The following SUCLG2 variants were observed in gnomAD, a reference collection of about 807,000 sequenced individuals.
The protein encoded by SUCLG2 is succinate-CoA ligase GDP-forming subunit beta.
A neutral mutation model predicts 47.9 loss-of-function variants in SUCLG2; 42 were observed. That is an observed-to-expected ratio of 0.88 (90% confidence interval 0.69 to 1.14). The LOEUF is 1.14. SUCLG2 is among the 50% of genes most tolerant of loss of function. The pLI, the probability that SUCLG2 is intolerant of heterozygous loss-of-function variation, is 0.00. For missense variants in SUCLG2, 571 were observed against 525.9 expected (o/e 1.09, Z -0.84); for synonymous variants, 195 against 197.3 (o/e 0.99, Z 0.10).
At chr3:67,480,600 G>T (rs1370831612) in intron 9 of SUCLG2, among the ~76,000 whole-genome samples, 1 of 152,154 alleles carries the variant, frequency 6.6e-6, no homozygotes, top group Non-Finnish European at 1.5e-5. Context: ...CAGCTACTAG[G>T]GAATGTAGCC....
intron 1 of SUCLG2, among the ~76,000 whole-genome samples, chr3:67,620,325 C>T (rs3927983): frequency 1.3e-5 from 2 of 149,904 alleles, no homozygotes; most frequent in African/African-American, 2.5e-5. Flanking sequence ...GGCTCACACC[C>T]GTTAACCCCA....
intron 9 of SUCLG2, among the ~76,000 whole-genome samples, chr3:67,444,365 C>T (rs1303729917): frequency 1.1e-4 from 7 of 62,864 alleles, no homozygotes; most frequent in Non-Finnish European, 2.0e-4. Flanking sequence ...TGGCCAGCCG[C>T]CCCGTCCGGG....
Position 67,452,992 on chromosome 3 carries a change from A to C in SUCLG2, c.1062+42806T>G, listed in dbSNP as rs1456876426. Among the ~76,000 whole-genome samples the C allele has an allele frequency of 3.3e-5, 5 of 152,128 alleles. 1 individual carries two copies. The highest frequency in any genetic ancestry group is 6.3e-3 in the Middle Eastern group (2 of 316). The stretch of plus-strand genomic sequence containing the variant: ...CAATGTAATCATAGATGAAGGTCTA[A>C]AGTAGACCTTCCCATTCTCTTTCTG... On this transcript the variant is annotated intron_variant, in intron 9 of 10. Transcript: ENST00000307227.
At chr3:67,616,059 T>TA (rs1700622500) in intron 1 of SUCLG2, among the ~76,000 whole-genome samples, 1 of 151,844 alleles carries the variant, frequency 6.6e-6, no homozygotes, top group East Asian at 1.9e-4. Flanking sequence ...CCAAAACTTT[T>TA]AAGAGACCAT....
downstream of SUCLG2, among the ~76,000 whole-genome samples, chr3:67,372,929 T>G (rs1004853995): frequency 5.3e-5 from 8 of 152,174 alleles, no homozygotes; most frequent in East Asian, 1.5e-3. Flanking sequence ...TCAGCTCTGC[T>G]GTGTAGCATG....
chr3:67,586,542 G>C (rs1277449778), intron 2 of SUCLG2, among the ~76,000 whole-genome samples: 2 of 152,090 alleles, frequency 1.3e-5, no homozygotes, highest in African/African-American at 4.8e-5. Flanking sequence ...TTCCCAATTG[G>C]TCTGATGTTC....
chr3:67,394,749 A>G (rs758707002), intron 10 of SUCLG2, among the ~76,000 whole-genome samples: 2,332 of 151,568 alleles, frequency 0.015, 24 homozygotes, highest in Non-Finnish European at 0.024. Flanking sequence ...AATGAAGGAA[A>G]AAATGTTAAG....
intron 1 of SUCLG2, among the ~76,000 whole-genome samples, chr3:67,638,600 G>A (rs189605651): frequency 1.3e-5 from 2 of 152,274 alleles, no homozygotes; most frequent in East Asian, 3.9e-4. Flanking sequence ...ACATAATTTG[G>A]AATTACTGGT....
intron 2 of SUCLG2, among the ~76,000 whole-genome samples, chr3:67,594,467 T>C (rs1708248335): frequency 6.6e-6 from 1 of 152,182 alleles, no homozygotes; most frequent in South Asian, 2.1e-4. Flanking sequence ...AACACTTTCA[T>C]CCCAGTTCTC....
intron 7 of SUCLG2, among the ~76,000 whole-genome samples, chr3:67,500,271 G>A (rs1281766787): frequency 6.6e-6 from 1 of 152,054 alleles, no homozygotes; most frequent in Non-Finnish European, 1.5e-5. Flanking sequence ...CCAGGTAGAG[G>A]GTTTTCTCCA....
At chr3:67,620,924 C>T (rs574535757) in intron 1 of SUCLG2, among the ~76,000 whole-genome samples, 1 of 152,308 alleles carries the variant, frequency 6.6e-6, no homozygotes, top group Non-Finnish European at 1.5e-5. Flanking sequence ...CAGTTTTAAA[C>T]AGGGAAGTGA....
At chr3:67,475,988 CCTCTCTCTCT>C (rs113119377) in intron 9 of SUCLG2, among the ~76,000 whole-genome samples, 4 of 146,048 alleles carry the variant, frequency 2.7e-5, no homozygotes, top group Admixed American at 6.9e-5. Context: ...TTTCCTTCTC[CCTCTCTCTCT>C]CTCTCTCTCT....
At chr3:67,414,263 C>G (rs559757093) in intron 9 of SUCLG2, among the ~76,000 whole-genome samples, 10 of 152,304 alleles carry the variant, frequency 6.6e-5, no homozygotes, top group African/African-American at 2.4e-4. Context: ...GTTCTTGCCA[C>G]CTAGTTGAGA....
chr3:67,652,160 GAA>G (rs778689684), intron 1 of SUCLG2, among the ~76,000 whole-genome samples: 1 of 99,286 alleles, frequency 1.0e-5, no homozygotes. Flanking sequence ...CAGCAAAGGT[GAA>G]AAAAAAAAAA....
chr3:67,471,716 C>T (rs528913388), intron 9 of SUCLG2, among the ~76,000 whole-genome samples: 7 of 113,188 alleles, frequency 6.2e-5, no homozygotes, highest in African/African-American at 3.0e-4. Flanking sequence ...GTCTGTGTTA[C>T]CCCTCAGCCA....
chr3:67,459,972 A>C (rs933778925), intron 9 of SUCLG2, among the ~76,000 whole-genome samples: 3 of 152,234 alleles, frequency 2.0e-5, no homozygotes, highest in Admixed American at 6.5e-5. Context: ...TCTTAAACAC[A>C]GCCTTGCCAG....
intron 10 of SUCLG2, among the ~76,000 whole-genome samples, chr3:67,398,628 C>G (rs998165712): frequency 4.1e-4 from 62 of 152,130 alleles, no homozygotes; most frequent in African/African-American, 1.4e-3. Context: ...CCTCAGGGAT[C>G]TAGAACTAGA....
intron 9 of SUCLG2, among the ~76,000 whole-genome samples, chr3:67,443,032 C>G (rs1482390141): frequency 6.6e-6 from 1 of 152,156 alleles, no homozygotes; most frequent in African/African-American, 2.4e-5. Context: ...CTGTGCTTAA[C>G]ATGTACAGAC....
intron 2 of SUCLG2, among the ~76,000 whole-genome samples, chr3:67,562,656 T>G (rs1010903196): frequency 2.0e-5 from 3 of 152,226 alleles, no homozygotes; most frequent in African/African-American, 7.2e-5. Context: ...AATGGTCAAG[T>G]GTATGGCAAG....
Sources: gnomAD v4.1 joint callset for allele counts (sites outside exome capture counted in the v4.1 genomes callset) on GRCh38, gnomAD v4.1.1 for gene constraint, MANE v1.5 for transcripts, NCBI Gene and HGNC (gene_info 2026-07-23, HGNC 2026-07-21) for gene names.